The following RFX6 variants were observed in gnomAD, a reference collection of about 807,000 sequenced individuals.
RFX6 encodes the protein regulatory factor X6.
A neutral mutation model predicts 110.8 loss-of-function variants in RFX6; 50 were observed. The ratio of observed to expected loss-of-function variants is 0.45; its 90% confidence interval spans 0.36 to 0.57. RFX6 has a LOEUF of 0.57. RFX6 is among the 20% of genes least tolerant of loss of function. The pLI, the probability that RFX6 is intolerant of heterozygous loss-of-function variation, is 0.00. For synonymous variants in RFX6, 383 were observed against 411.2 expected (o/e 0.93, Z 0.83); for missense variants, 990 against 1,127.0 (o/e 0.88, Z 1.74).
At chr6:116,887,843 C>G (rs931059133) in intron 4 of RFX6, among the ~76,000 whole-genome samples, 52 of 152,170 alleles carry the variant, frequency 3.4e-4, no homozygotes, top group African/African-American at 1.3e-3. Context: ...AAGCAAAAAC[C>G]TTGTATCCCA....
Position 116,931,633 on chromosome 6 carries a change from T to C in RFX6, c.*127T>C. 1 of 713,050 alleles carries C rather than the reference T, an allele frequency of 1.4e-6. No individual in the cohort carries two copies. The highest frequency in any genetic ancestry group is 2.4e-6 in the Non-Finnish European group (1 of 421,840). 44.2% of individuals were successfully genotyped at this position (713,050 alleles called of 1,614,324 possible). ...TGCAGTGGCTGACATTGTTTTAAAG[T>C]CACTGGTACTATGGACAACTCCATA... On this transcript the variant is annotated 3_prime_UTR_variant, in exon 19 of 19. Transcript: ENST00000332958.
intron 6 of RFX6, among the ~76,000 whole-genome samples, chr6:116,908,546 A>G (rs1325998014): frequency 6.6e-6 from 1 of 152,074 alleles, no homozygotes; most frequent in Non-Finnish European, 1.5e-5. Flanking sequence ...AAAAAAGGTG[A>G]GAGCAGGCAA....
At chr6:116,911,180 G>A (rs1275745374) in intron 7 of RFX6, 138 bp downstream of exon 7, 2 of 650,692 alleles carry the variant, frequency 3.1e-6, no homozygotes, top group African/African-American at 3.7e-5. Context: ...TATAGGAGAG[G>A]CAAACTTTTG....
At chr6:116,930,042 G>C (rs1437255390) in intron 18 of RFX6, among the ~76,000 whole-genome samples, 1 of 152,148 alleles carries the variant, frequency 6.6e-6, no homozygotes, top group Non-Finnish European at 1.5e-5. Context: ...CTCACCATGA[G>C]ACTAAAATGT....
chr6:116,889,812 T>C (rs1774781040), intron 4 of RFX6, among the ~76,000 whole-genome samples: 1 of 152,144 alleles, frequency 6.6e-6, no homozygotes, highest in South Asian at 2.1e-4. Flanking sequence ...TTATATGAAA[T>C]CTCTTAATTG....
chr6:116,899,804 T>C (rs1278430080), intron 6 of RFX6, among the ~76,000 whole-genome samples: 5 of 152,096 alleles, frequency 3.3e-5, no homozygotes, highest in Admixed American at 1.3e-4. Context: ...AGACATTTCA[T>C]AGGAAAAAGA....
Position 116,927,156 on chromosome 6 carries a change from T to C in RFX6, c.2015T>C (p.Leu672Pro), listed in dbSNP as rs1775757964. The change falls in exon 17 of 19, where the codon CTG (leucine) becomes CCG (proline). Residue 672 changes from leucine (L) to proline (P), a missense_variant. Transcript: ENST00000332958. ...AGGCCCCCAAGTGTGGGCCCAGTAC[T>C]GTCAGCTCCATCACACTGCTCCACA... ...AGRPPSVGPV[L>P]SAPSHCSTYP... The C allele has an allele frequency of 2.5e-6, 4 of 1,614,046 alleles. No homozygotes were observed. Among genetic ancestry groups the C allele is most frequent in the Admixed American group, 3.3e-5 (2 of 59,998 alleles).
At position 116,880,552 on chromosome 6, in the gene RFX6, A is replaced by G. The variant is rs145678004; in HGVS notation, c.389A>G (p.Glu130Gly). The change falls in exon 3 of 19, where the codon GAG (glutamate) becomes GGG (glycine). Residue 130 changes from glutamate to glycine, a missense_variant. Glu to Gly is a moderately conservative substitution (Grantham distance 98, BLOSUM62 -2). Coordinates refer to ENST00000332958, the MANE Select transcript of RFX6 (RefSeq NM_173560.4). Reference sequence around the variant, plus strand: ...TTGTTCCTTTTTCTTAGGCTTGAAGAGAATTACATTGTATGTGAAGGAGTT... The same window carrying G: ...TTGTTCCTTTTTCTTAGGCTTGAAGGGAATTACATTGTATGTGAAGGAGTT... ...QTQLTLQWLE[E>G]NYIVCEGVCL... The G allele has an allele frequency of 3.4e-5, 55 of 1,612,650 alleles. No individual in the cohort carries two copies. The African/African-American group carries it at 6.9e-4, about 20-fold the overall frequency.
chr6:116,920,539 C>T, intron 12 of RFX6, 85 bp downstream of exon 12: 1 of 1,123,964 alleles, frequency 8.9e-7, no homozygotes, highest in South Asian at 1.2e-5. Flanking sequence ...TTGGAGGAGC[C>T]TGTCCAGTGT....
rs553316848 is a variant in RFX6 at position 116,906,691 on chromosome 6, G to T, written c.673-4244G>T. On this transcript the variant is annotated intron_variant, in intron 6 of 18. Transcript: ENST00000332958. Reference sequence around the variant, plus strand: ...TTATTAGTGAATATAAATGCAACTAGTTTTTGCATGCTGACTTTGAATCCT... The same window carrying T: ...TTATTAGTGAATATAAATGCAACTATTTTTTGCATGCTGACTTTGAATCCT... Among the ~76,000 whole-genome samples the T allele has an allele frequency of 6.8e-4, 104 of 151,928 alleles. 1 individual carries two copies. Among genetic ancestry groups the T allele is most frequent in the African/African-American group, 2.5e-3 (102 of 41,472 alleles).
chr6:116,920,737 TA>T (rs891562295), intron 12 of RFX6, among the ~76,000 whole-genome samples: 18 of 152,120 alleles, frequency 1.2e-4, no homozygotes, highest in Admixed American at 2.0e-4. Context: ...TATCTTCTAA[TA>T]AAAAATAGTT....
rs751572854 is a variant in RFX6 at position 116,927,092 on chromosome 6, A to G, written c.1951A>G (p.Ser651Gly). Residue 651 changes from serine (S) to glycine (G), a missense_variant, in exon 17 of 19, where the codon AGC becomes GGC. Coordinates refer to ENST00000332958, the MANE Select transcript of RFX6 (RefSeq NM_173560.4). ...MTPPISPAMA[S>G]RGSVINQGPM... ...ACCACCCATTTCTCCAGCCATGGCA[A>G]GCCGAGGAAGTGTCATTAACCAAGG... is the stretch of plus-strand genomic sequence containing the variant. 2 of 1,613,998 alleles carry G rather than the reference A, an allele frequency of 1.2e-6. No individual in the cohort carries two copies. Among genetic ancestry groups the G allele is most frequent in the South Asian group, 1.1e-5 (1 of 91,068 alleles).
At chr6:116,877,702 G>A (rs879471406) in intron 1 of RFX6, 94 bp from the exon 2 acceptor site, 17 of 893,010 alleles carry the variant, frequency 1.9e-5, no homozygotes, top group Non-Finnish European at 2.4e-5. Context: ...CCCCACCCCA[G>A]TAGGCTACTC....
intron 6 of RFX6, among the ~76,000 whole-genome samples, chr6:116,902,731 TCTCCTTAACATCAA>T (rs1194287989): frequency 6.6e-6 from 1 of 152,034 alleles, no homozygotes; most frequent in Non-Finnish European, 1.5e-5. Flanking sequence ...TGAGTTTTCT[TCTCCTTAACATCAA>T]CCGTTCACAG....
chr6:116,908,013 C>T (rs1186888764), intron 6 of RFX6, among the ~76,000 whole-genome samples: 2 of 151,926 alleles, frequency 1.3e-5, no homozygotes, highest in East Asian at 1.9e-4. Context: ...GTATAATATC[C>T]TTGTCTGTTA....
At position 116,931,522 on chromosome 6, in the gene RFX6, G is replaced by A; in HGVS notation, c.*16G>A. On this transcript the variant is annotated 3_prime_UTR_variant, in exon 19 of 19. Transcript: ENST00000332958. Reference sequence around the variant, plus strand: ...AGGCACTTAAACCACCAATGTGGGAGGGGGTGCTAAAACTTTAAAAAAAAT... The same window carrying A: ...AGGCACTTAAACCACCAATGTGGGAAGGGGTGCTAAAACTTTAAAAAAAAT... 1 of 1,597,030 alleles carries A rather than the reference G, an allele frequency of 6.3e-7. No individual in the cohort carries two copies. Among genetic ancestry groups the A allele is most frequent in the Non-Finnish European group, 8.6e-7 (1 of 1,166,134 alleles).
rs1775537251 is a variant in RFX6, at chr6:116,919,154, G to T, written c.1040G>T (p.Arg347Ile). 2 of 1,613,256 alleles carry T rather than the reference G, an allele frequency of 1.2e-6. No homozygotes were observed. Among genetic ancestry groups the T allele is most frequent in the Non-Finnish European group, 1.7e-6 (2 of 1,179,492 alleles). ...CTTTGTAGCTTATTAGCAGACATAA[G>T]AAATTTTGCTAAAAATTGGGAACAG... is the stretch of plus-strand genomic sequence containing the variant. ...EMPESLLADI[R>I]NFAKNWEQWV... Residue 347 changes from arginine to isoleucine, a missense_variant, in exon 11 of 19, where the codon AGA becomes ATA. By Grantham distance (97) the Arg-to-Ile change is moderately conservative. This residue lies in a region of RFX6 where 243 missense variants were observed against 353.1 expected (regional missense o/e 0.69). Transcript: ENST00000332958.
intron 9 of RFX6, among the ~76,000 whole-genome samples, chr6:116,917,228 G>A (rs1326629085): frequency 6.6e-6 from 1 of 151,866 alleles, no homozygotes; most frequent in Non-Finnish European, 1.5e-5. Flanking sequence ...CCTCTGTCCA[G>A]TACTTCCTCA....
In RFX6 at chr6:116,925,573, T is replaced by C. The variant is rs1165820585; in HGVS notation, c.1799T>C (p.Leu600Pro). 1.9e-6 allele frequency: 3 copies of C among 1,613,982 alleles called. No homozygotes were observed. The highest frequency in any genetic ancestry group is 1.3e-5 in the African/African-American group (1 of 75,038). The change falls in exon 16 of 19, where the codon CTC becomes CCC. Residue 600 changes from leucine to proline, a missense_variant. Coordinates refer to ENST00000332958, the MANE Select transcript of RFX6 (RefSeq NM_173560.4). ...KNESHVETTY[L>P]PLPSSQPGGL... ...GAAAGCCACGTGGAGACAACCTATC[T>C]CCCTCTGCCATCCAGTCAACCTGGA... is the stretch of plus-strand genomic sequence containing the variant.
Sources: gnomAD v4.1 joint callset for allele counts (sites outside exome capture counted in the v4.1 genomes callset) on GRCh38, gnomAD v4.1.1 for gene constraint, gnomAD v4.1.1 regional missense constraint, MANE v1.5 for transcripts, NCBI Gene and HGNC (gene_info 2026-07-23, HGNC 2026-07-21) for gene names.